IMPG2: variants seen among roughly 807,000 people sequenced by gnomAD.
IMPG2 encodes IPM 200.
In IMPG2, 91 loss-of-function variants were observed where a neutral mutation model predicts 129.2. The ratio of observed to expected loss-of-function variants is 0.70; its 90% CI spans 0.59 to 0.84. IMPG2 has a LOEUF of 0.84. IMPG2 is among the 40% of genes least tolerant of loss of function. The pLI is 0.00. For missense variants in IMPG2, 1,430 were observed against 1,461.7 expected (o/e 0.98, Z 0.35); for synonymous variants, 510 against 517.7 (o/e 0.99, Z 0.20).
chr3:101,243,569 G>C lies in IMPG2; in HGVS notation c.2762C>G (p.Ser921Cys), dbSNP rs1472812734. 6.2e-7 allele frequency: 1 copy of C among 1,613,754 alleles called. No homozygotes were observed. The highest frequency in any genetic ancestry group is 1.3e-5 in the African/African-American group (1 of 74,998). ...MFSEDLFNKN[S>C]LEYKALEQRF... is the part of the protein sequence containing the mutation. ...TTGCTCCAGGGCTTTATACTCCAAG[G>C]AGTTTTTATTAAACAGATCTTCTGA... Residue 921 changes from serine (S) to cysteine (C), a missense_variant, in exon 13 of 19, where the codon TCC becomes TGC. Ser to Cys is a moderately radical substitution (Grantham distance 112). Coordinates refer to ENST00000193391, the MANE Select transcript of IMPG2 (RefSeq NM_016247.4).
At chr3:101,236,849 G>GAA (rs1706351899) in intron 14 of IMPG2, among the ~76,000 whole-genome samples, 3 of 152,230 alleles carry the variant, frequency 2.0e-5, no homozygotes, top group Admixed American at 6.5e-5. Flanking sequence ...GTGGCACCTG[G>GAA]AATGCCAGCA....
intron 8 of IMPG2, among the ~76,000 whole-genome samples, chr3:101,268,141 C>A (rs558511384): frequency 7.2e-5 from 11 of 152,272 alleles, no homozygotes; most frequent in African/African-American, 2.2e-4. Flanking sequence ...TTGCTGATGG[C>A]ATTTCAAAAG....
chr3:101,275,010 G>T (rs1706826069), intron 6 of IMPG2, among the ~76,000 whole-genome samples: 1 of 151,108 alleles, frequency 6.6e-6, no homozygotes, highest in Non-Finnish European at 1.5e-5. Context: ...AGGTGCAAGA[G>T]AACTAAATTG....
At chr3:101,255,689 A>G (rs1706590670) in intron 10 of IMPG2, among the ~76,000 whole-genome samples, 1 of 152,110 alleles carries the variant, frequency 6.6e-6, no homozygotes, top group South Asian at 2.1e-4. Context: ...AGCCCCGGCT[A>G]ATCTCTATTA....
At chr3:101,265,885 G>A (rs1184334552) in intron 9 of IMPG2, among the ~76,000 whole-genome samples, 1 of 152,066 alleles carries the variant, frequency 6.6e-6, no homozygotes, top group African/African-American at 2.4e-5. Flanking sequence ...TTAAAAATGT[G>A]CAAATGATAT....
At chr3:101,307,218 C>A (rs1398760339) in intron 2 of IMPG2, among the ~76,000 whole-genome samples, 2 of 152,162 alleles carry the variant, frequency 1.3e-5, no homozygotes, top group African/African-American at 2.4e-5. Context: ...GAAATTTTTA[C>A]ATGGACAACA....
chr3:101,227,793 C>A, intron 18 of IMPG2: 1 of 456,222 alleles, frequency 2.2e-6, no homozygotes, highest in South Asian at 1.5e-5. Flanking sequence ...TAGAAAAGCA[C>A]CTTTCTCAGT....
chr3:101,277,251 G>T (rs531012577), intron 4 of IMPG2, among the ~76,000 whole-genome samples: 1 of 152,300 alleles, frequency 6.6e-6, no homozygotes, highest in African/African-American at 2.4e-5. Context: ...AATGTATTAA[G>T]AATCTAAACT....
chr3:101,305,888 G>A (rs520879), intron 2 of IMPG2, among the ~76,000 whole-genome samples: 109,179 of 152,076 alleles, frequency 0.72, 40,356 homozygotes, highest in East Asian at 0.84. Context: ...GCAGGACACT[G>A]TAGGTAACAG....
chr3:101,274,602 T>C (rs1464002916), intron 6 of IMPG2, among the ~76,000 whole-genome samples: 1 of 152,336 alleles, frequency 6.6e-6, no homozygotes, highest in Non-Finnish European at 1.5e-5. Flanking sequence ...TAGGTATCTC[T>C]ATATTGTTTT....
rs765552273 is a variant in IMPG2, at chr3:101,257,510, T to C, written c.1153+19A>G. On this transcript the variant is annotated intron_variant, in intron 10 of 18. Coordinates refer to ENST00000193391, the MANE Select transcript of IMPG2 (RefSeq NM_016247.4). ...GAAAAGAAACTATACAAGGACTTCA[T>C]GATGGATATCAAACTCACCATTGAT... 1.2e-6 allele frequency: 2 copies of C among 1,612,900 alleles called. No homozygotes were observed. The highest frequency in any genetic ancestry group is 3.3e-5 in the Admixed American group (2 of 59,930).
chr3:101,278,669 A>G (rs1706862766), intron 4 of IMPG2, among the ~76,000 whole-genome samples: 1 of 152,082 alleles, frequency 6.6e-6, no homozygotes, highest in Non-Finnish European at 1.5e-5. Flanking sequence ...CTAAATGCCC[A>G]GGCTTTGGCA....
At chr3:101,256,357 T>A (rs1435736850) in intron 10 of IMPG2, among the ~76,000 whole-genome samples, 1 of 151,540 alleles carries the variant, frequency 6.6e-6, no homozygotes, top group Non-Finnish European at 1.5e-5. Flanking sequence ...CACATGCACA[T>A]ATGTGCACAC....
chr3:101,268,724 A>C (rs1012446162), intron 8 of IMPG2, among the ~76,000 whole-genome samples: 3 of 152,124 alleles, frequency 2.0e-5, no homozygotes, highest in African/African-American at 7.2e-5. Flanking sequence ...CAAAGTTGAG[A>C]TGGATAACAT....
chr3:101,276,594 C>T, intron 5 of IMPG2, 70 bp downstream of exon 5: 3 of 1,046,716 alleles, frequency 2.9e-6, no homozygotes, highest in Non-Finnish European at 4.4e-6. Flanking sequence ...AAAAAATGTA[C>T]TTGTTTGTGA....
rs748968343 is a variant in IMPG2 at position 101,231,008 on chromosome 3, A to G, written c.3371T>C (p.Ile1124Thr). 6.2e-7 allele frequency: 1 copy of G among 1,613,916 alleles called. No homozygotes were observed. Among genetic ancestry groups the G allele is most frequent in the Non-Finnish European group, 8.5e-7 (1 of 1,179,924 alleles). Residue 1124 changes from isoleucine to threonine, a missense_variant, in exon 16 of 19, where the codon ATC (isoleucine) becomes ACC (threonine). Ile to Thr is a moderately conservative substitution (Grantham distance 89). Coordinates refer to ENST00000193391, the MANE Select transcript of IMPG2 (RefSeq NM_016247.4). ...VIFSAIIYFFIRTLQAHHDRS... is the reference protein window; with the variant it reads ...VIFSAIIYFFTRTLQAHHDRS... ...GTCATGGTGTGCTTGGAGAGTCCTG[A>G]TGAAGAAGTAGATGATAGCAGAAAA... is the stretch of plus-strand genomic sequence containing the variant.
intron 4 of IMPG2, among the ~76,000 whole-genome samples, chr3:101,280,864 G>A (rs1192464191): frequency 6.6e-6 from 1 of 151,956 alleles, no homozygotes; most frequent in Non-Finnish European, 1.5e-5. Flanking sequence ...CAGGAGAATC[G>A]CTTGAACGTC....
chr3:101,242,067 A>C (rs188329061), intron 14 of IMPG2, among the ~76,000 whole-genome samples: 1 of 152,202 alleles, frequency 6.6e-6, no homozygotes, highest in African/African-American at 2.4e-5. Context: ...TTTCCAGCTT[A>C]AGTAGCTGAG....
Position 101,244,704 on chromosome 3 carries a change from C to A in IMPG2, c.1627G>T (p.Glu543Ter), listed in dbSNP as rs774910788. The change falls in exon 13 of 19, where the codon GAA (glutamate) becomes TAA (stop). Residue 543 changes from glutamate to a stop codon, truncating the protein, a stop_gained. Transcript: ENST00000193391. LOFTEE classifies it high-confidence loss of function. ...SSSFTQPVPK[E>*]TIPSMEDSDV... ...GAGTCTTCCATGGATGGTATTGTTT[C>A]TTTTGGCACAGGTTGAGTGAATGAA... 6.2e-7 allele frequency: 1 copy of A among 1,614,058 alleles called. No individual in the cohort carries two copies. The highest frequency in any genetic ancestry group is 2.2e-5 in the East Asian group (1 of 44,876).
Sources: allele counts gnomAD v4.1 joint callset (sites outside exome capture counted in the v4.1 genomes callset), GRCh38; gene constraint gnomAD v4.1.1; transcripts MANE v1.5; gene names NCBI Gene and HGNC (gene_info 2026-07-23, HGNC 2026-07-21).